FLRT1: variants seen among roughly 807,000 people sequenced by gnomAD.
FLRT1 encodes the protein fibronectin leucine rich transmembrane protein 1.
A neutral mutation model predicts 30.9 loss-of-function variants in FLRT1; 14 were observed. The ratio of observed to expected loss-of-function variants is 0.45; its 90% confidence interval spans 0.30 to 0.71. The LOEUF is 0.71. Among genes scored for constraint, FLRT1 ranks in the 30% least tolerant of loss-of-function variants. FLRT1 has a pLI of 0.08. For missense variants in FLRT1, 737 were observed against 949.2 expected, an observed-to-expected ratio of 0.78 and a Z score of 2.94; for synonymous variants, 368 against 430.4, an observed-to-expected ratio of 0.85 and a Z score of 1.80.
intron 1 of FLRT1, among the ~76,000 whole-genome samples, chr11:64,047,623 G>A (rs1943609430): frequency 6.6e-6 from 1 of 152,142 alleles, no homozygotes; most frequent in African/African-American, 2.4e-5. Flanking sequence ...AAGGCCGGGC[G>A]CGGTGGCTTA....
At chr11:64,054,345 A>G (rs7103551) in intron 1 of FLRT1, among the ~76,000 whole-genome samples, 35,179 of 152,188 alleles carry the variant, frequency 0.23, 8,306 homozygotes, top group African/African-American at 0.59. Flanking sequence ...TGCAAAGGAA[A>G]GAAGCGGCCA....
At chr11:64,093,016 G>A (rs1362461940) in intron 1 of FLRT1, among the ~76,000 whole-genome samples, 1 of 152,210 alleles carries the variant, frequency 6.6e-6, no homozygotes, top group Non-Finnish European at 1.5e-5. Context: ...ACACCGGAGT[G>A]GCTGGTGTGG....
At chr11:64,114,645 GGATGGATGAATGGACAGGTGGATA>G (rs919092986) in intron 2 of FLRT1, among the ~76,000 whole-genome samples, 4 of 151,752 alleles carry the variant, frequency 2.6e-5, no homozygotes, top group Admixed American at 6.6e-5. Context: ...ATGAATGGAT[GGATGGATGAATGGACAGGTGGATA>G]GATGGATGGA....
intron 2 of FLRT1, among the ~76,000 whole-genome samples, chr11:64,105,744 C>G (rs549977223): frequency 6.6e-6 from 1 of 152,172 alleles, no homozygotes; most frequent in Non-Finnish European, 1.5e-5. Flanking sequence ...CCAGCATCCT[C>G]CCTGTGCCAA....
At position 64,118,041 on chromosome 11, in the gene FLRT1, C is replaced by T. The variant is rs375487485; in HGVS notation, c.1774C>T (p.Arg592Trp). 24 of 1,613,480 alleles carry T rather than the reference C, an allele frequency of 1.5e-5. No homozygotes were observed. The Middle Eastern group carries it at 8.2e-4, about 55-fold the overall frequency. Residue 592 changes from arginine (R) to tryptophan (W), a missense_variant, in exon 3 of 3, where the codon CGG (arginine) becomes TGG (tryptophan). Coordinates refer to ENST00000682287, the MANE Select transcript of FLRT1 (RefSeq NM_013280.5). ...GCTGACCCGGGAGAGGGCCTACAAC[C>T]GGGGCAGCAGGAAAAAGGATGACTA... is the stretch of plus-strand genomic sequence containing the variant. ...ELLTRERAYN[R>W]GSRKKDDYME... is the part of the protein sequence containing the mutation.
intron 1 of FLRT1, among the ~76,000 whole-genome samples, chr11:64,092,857 C>T (rs530451233): frequency 4.6e-4 from 70 of 152,344 alleles, no homozygotes; most frequent in Admixed American, 2.6e-4. Context: ...TCACCAAAGA[C>T]AAAGTCAATG....
chr11:64,116,496 G>C lies in FLRT1; in HGVS notation c.229G>C (p.Ala77Pro). 6.2e-7 allele frequency: 1 copy of C among 1,613,828 alleles called. No homozygotes were observed. Among genetic ancestry groups the C allele is most frequent in the Non-Finnish European group, 8.5e-7 (1 of 1,179,934 alleles). ...CGACCGGGGACTCACATCCATCCCC[G>C]CAGATATCCCTGATGATGCCACCAC... ...CNDRGLTSIP[A>P]DIPDDATTLY... Residue 77 changes from alanine (A) to proline (P), a missense_variant, in exon 3 of 3, where the codon GCA becomes CCA. By Grantham distance (27) the Ala-to-Pro change is conservative (BLOSUM62 -1). Coordinates refer to ENST00000682287, the MANE Select transcript of FLRT1 (RefSeq NM_013280.5).
intron 1 of FLRT1, among the ~76,000 whole-genome samples, chr11:64,042,350 T>C (rs1027405766): frequency 2.0e-5 from 3 of 152,242 alleles, no homozygotes; most frequent in African/African-American, 7.2e-5. Flanking sequence ...TGCAGTCCCC[T>C]GCCCTTCCTG....
At chr11:64,041,480 G>A (rs79428877) in intron 1 of FLRT1, among the ~76,000 whole-genome samples, 4,284 of 152,110 alleles carry the variant, frequency 0.028, 189 homozygotes, top group African/African-American at 0.097. Flanking sequence ...GCTCAGGGGA[G>A]TGAGGAGGGT....
chr11:64,070,101 C>A (rs1433329658), intron 1 of FLRT1, among the ~76,000 whole-genome samples: 2 of 152,158 alleles, frequency 1.3e-5, no homozygotes, highest in Non-Finnish European at 2.9e-5. Context: ...GAGATGGATG[C>A]TGTTATCACT....
chr11:64,045,730 T>A (rs1266204319), intron 1 of FLRT1, among the ~76,000 whole-genome samples: 1 of 152,176 alleles, frequency 6.6e-6, no homozygotes, highest in Non-Finnish European at 1.5e-5. Flanking sequence ...TACCCCTGGA[T>A]GCCAAAAACC....
At position 64,115,334 on chromosome 11, in the gene FLRT1, C is replaced by T. The variant is rs192007229; in HGVS notation, c.-49-885C>T. 5.9e-5 allele frequency among the ~76,000 whole-genome samples: 9 copies of T among 152,264 alleles called. No individual in the cohort carries two copies. The East Asian group carries it at 1.5e-3, about 26-fold the overall frequency. ...CCCTCAGAGTACAGACGTGACTCCTCCCTCCTTTTATTTGTCTCATTCCTT... is the reference window on the plus strand; with the variant it reads ...CCCTCAGAGTACAGACGTGACTCCTTCCTCCTTTTATTTGTCTCATTCCTT... On this transcript the variant is annotated intron_variant, in intron 2 of 2. Transcript: ENST00000682287.
chr11:64,101,700 C>T (rs1048560418), intron 1 of FLRT1, among the ~76,000 whole-genome samples: 6 of 152,214 alleles, frequency 3.9e-5, no homozygotes, highest in Non-Finnish European at 5.9e-5. Context: ...GCCGCCCTCC[C>T]GCCGCGTGCA....
rs767047627 is a variant in FLRT1, at chr11:64,096,659, C to T, written c.-1037-6535C>T. Among the ~76,000 whole-genome samples the T allele has an allele frequency of 3.0e-4, 45 of 152,266 alleles. No individual in the cohort carries two copies. Among genetic ancestry groups the T allele is most frequent in the Non-Finnish European group, 5.6e-4 (38 of 68,016 alleles). ...CTCGAACTCCTGACCTCAAGTTATC[C>T]GCCTGCCTCAGCCTCCCAAAGTGCT... On this transcript the variant is annotated intron_variant, in intron 1 of 2. Transcript: ENST00000682287. The surrounding 1 kb of genome is among the most constrained non-coding windows in gnomAD (Gnocchi z 4.6).
intron 1 of FLRT1, among the ~76,000 whole-genome samples, chr11:64,061,809 T>TCAAGCCATCCTC (rs1247186472): frequency 1.3e-5 from 2 of 151,338 alleles, no homozygotes; most frequent in Non-Finnish European, 2.9e-5. Flanking sequence ...AAGCCATCCT[T>TCAAGCCATCCTC]CAAGCCATCC....
At chr11:64,107,584 G>A (rs376323798) in intron 2 of FLRT1, among the ~76,000 whole-genome samples, 1 of 152,252 alleles carries the variant, frequency 6.6e-6, no homozygotes, top group South Asian at 2.1e-4. Context: ...CATAATGCAT[G>A]CAGCATGAAA....
In FLRT1 at chr11:64,050,113, C is replaced by T. The variant is rs1943664569; in HGVS notation, c.-1038+13954C>T. Among the ~76,000 whole-genome samples, 4 of 152,292 alleles carry T rather than the reference C, an allele frequency of 2.6e-5. No homozygotes were observed. The South Asian group carries it at 8.3e-4, about 32-fold the overall frequency. On this transcript the variant is annotated intron_variant, in intron 1 of 2. Coordinates refer to ENST00000682287, the MANE Select transcript of FLRT1 (RefSeq NM_013280.5). ...AGGCTGGGAAACCAGGCCCTCGGTC[C>T]TTATGCCCCACAGGGAAGCCGGGTG...
At chr11:64,111,514 G>A (rs1457699014) in intron 2 of FLRT1, among the ~76,000 whole-genome samples, 3 of 152,220 alleles carry the variant, frequency 2.0e-5, no homozygotes, top group African/African-American at 4.8e-5. Flanking sequence ...AGTGCAGAAG[G>A]GACAGACGTG....
In FLRT1 at chr11:64,053,800, C is replaced by T. The variant is rs527481730; in HGVS notation, c.-1038+17641C>T. On this transcript the variant is annotated intron_variant, in intron 1 of 2. Coordinates refer to ENST00000682287, the MANE Select transcript of FLRT1 (RefSeq NM_013280.5). ...GGGGTTGAGCCCTATAGCGGCATCC[C>T]GAGCCCCTTGCCTGCCCGCAGATGG... Among the ~76,000 whole-genome samples, 13 of 152,272 alleles carry T rather than the reference C, an allele frequency of 8.5e-5. No homozygotes were observed. The South Asian group carries it at 1.2e-3, about 15-fold the overall frequency.
Sources: allele counts gnomAD v4.1 joint callset (sites outside exome capture counted in the v4.1 genomes callset), GRCh38; gene constraint gnomAD v4.1.1; non-coding constraint Gnocchi (gnomAD v3.1); transcripts MANE v1.5; gene names NCBI Gene and HGNC (gene_info 2026-07-23, HGNC 2026-07-21).